PDSS2: variants seen among roughly 807,000 people sequenced by gnomAD.
PDSS2 encodes decaprenyl diphosphate synthase subunit 2.
Under a neutral mutation model 44.5 loss-of-function variants are expected in PDSS2, and 31 were observed. The ratio of observed to expected loss-of-function variants is 0.70; its 90% CI spans 0.52 to 0.94. PDSS2 has a LOEUF of 0.94. Among genes scored for constraint, PDSS2 ranks in the 40% least tolerant of loss-of-function variants. The pLI is 0.00. For synonymous variants in PDSS2, 157 were observed against 180.3 expected (o/e 0.87, Z 1.03); for missense variants, 452 against 482.2 (o/e 0.94, Z 0.59).
chr6:107,379,172 C>A (rs1264891761), intron 1 of PDSS2, among the ~76,000 whole-genome samples: 2 of 152,148 alleles, frequency 1.3e-5, no homozygotes, highest in African/African-American at 4.8e-5. Flanking sequence ...TTTATTCAAT[C>A]ATTTATATCA....
Position 107,416,252 on chromosome 6 carries a change from A to G in PDSS2, c.296+42738T>C, listed in dbSNP as rs1486672614. Among the ~76,000 whole-genome samples the G allele has an allele frequency of 2.6e-5, 4 of 152,160 alleles. No individual in the cohort carries two copies. The East Asian group carries it at 5.8e-4, about 22-fold the overall frequency. ...TTGTAAGCACAGTATTCCAACTTACAGCAGGCACGATGGGGACCCATGAGC... is the reference window on the plus strand; with the variant it reads ...TTGTAAGCACAGTATTCCAACTTACGGCAGGCACGATGGGGACCCATGAGC... On this transcript the variant is annotated intron_variant, in intron 1 of 7. Transcript: ENST00000369037.
At chr6:107,234,274 C>T (rs1421285585) in intron 4 of PDSS2, among the ~76,000 whole-genome samples, 3 of 151,702 alleles carry the variant, frequency 2.0e-5, no homozygotes, top group East Asian at 1.9e-4. Flanking sequence ...GGTGCCATCT[C>T]GGCTCACTGC....
chr6:107,435,233 C>T (rs1333102457), intron 1 of PDSS2, among the ~76,000 whole-genome samples: 2 of 150,608 alleles, frequency 1.3e-5, no homozygotes, highest in Admixed American at 1.3e-4. Flanking sequence ...GAGCTATGAT[C>T]ATGCCACCAT....
At chr6:107,368,156 C>A (rs1425171568) in intron 1 of PDSS2, among the ~76,000 whole-genome samples, 1 of 151,326 alleles carries the variant, frequency 6.6e-6, no homozygotes, top group Non-Finnish European at 1.5e-5. Flanking sequence ...ATAGTCCCAG[C>A]TACTCAGGAG....
intron 1 of PDSS2, among the ~76,000 whole-genome samples, chr6:107,452,860 T>G (rs1417414764): frequency 6.6e-6 from 1 of 151,862 alleles, no homozygotes; most frequent in Non-Finnish European, 1.5e-5. Flanking sequence ...AGAGATGGGG[T>G]TTCACCATGT....
intron 1 of PDSS2, among the ~76,000 whole-genome samples, chr6:107,423,984 TA>T (rs1403124854): frequency 1.3e-5 from 2 of 150,118 alleles, no homozygotes; most frequent in Non-Finnish European, 3.0e-5. Context: ...AGCACTTAGC[TA>T]AACACTTCAT....
chr6:107,315,984 A>T (rs992686916), intron 2 of PDSS2, among the ~76,000 whole-genome samples: 1 of 152,228 alleles, frequency 6.6e-6, no homozygotes, highest in African/African-American at 2.4e-5. Context: ...TTGAAGTTGG[A>T]TTGATGGACT....
chr6:107,183,769 C>A lies in PDSS2; in HGVS notation c.1041+10053G>T, dbSNP rs533282530. On this transcript the variant is annotated intron_variant, in intron 7 of 7. Coordinates refer to ENST00000369037, the MANE Select transcript of PDSS2 (RefSeq NM_020381.4). ...AATTAGCTGGGTGCAGTGGTGCACA[C>A]CTGTAGTCGCAGCTACTTGGGAGGC... Among the ~76,000 whole-genome samples, 194 of 152,242 alleles carry A rather than the reference C, an allele frequency of 1.3e-3. 1 individual carries two copies. Among genetic ancestry groups the A allele is most frequent in the Admixed American group, 3.7e-3 (57 of 15,270 alleles).
chr6:107,154,799 A>G, intron 7 of PDSS2, 22 bp from the exon 8 acceptor site: 1 of 1,613,126 alleles, frequency 6.2e-7, no homozygotes, highest in Non-Finnish European at 8.5e-7. Flanking sequence ...CAAATGCATG[A>G]TAAAAGTCAG....
chr6:107,377,089 G>C (rs1363229329), intron 1 of PDSS2, among the ~76,000 whole-genome samples: 1 of 147,304 alleles, frequency 6.8e-6, no homozygotes, highest in Non-Finnish European at 1.5e-5. Flanking sequence ...ACTACCATCA[G>C]AGTGAACAGG....
At chr6:107,425,061 G>C (rs1169892082) in intron 1 of PDSS2, among the ~76,000 whole-genome samples, 2 of 152,126 alleles carry the variant, frequency 1.3e-5, no homozygotes, top group Non-Finnish European at 2.9e-5. Flanking sequence ...CTCTTTCTTT[G>C]CCTGCCACCA....
At chr6:107,402,533 T>TA (rs1780174021) in intron 1 of PDSS2, among the ~76,000 whole-genome samples, 2 of 63,814 alleles carry the variant, frequency 3.1e-5, no homozygotes, top group Non-Finnish European at 7.4e-5. Context: ...TACATACATT[T>TA]TATATATATA....
chr6:107,272,507 A>G (rs1216906157), intron 3 of PDSS2, among the ~76,000 whole-genome samples: 1 of 152,176 alleles, frequency 6.6e-6, no homozygotes, highest in African/African-American at 2.4e-5. Flanking sequence ...TGGATCCCTG[A>G]CTTTGCAGAC....
intron 2 of PDSS2, among the ~76,000 whole-genome samples, chr6:107,328,617 CA>C (rs1777621920): frequency 6.6e-6 from 1 of 152,132 alleles, no homozygotes; most frequent in African/African-American, 2.4e-5. Flanking sequence ...CATTAGGATT[CA>C]AAGTTAGGCA....
chr6:107,320,403 T>C (rs1777345530), intron 2 of PDSS2, among the ~76,000 whole-genome samples: 1 of 152,186 alleles, frequency 6.6e-6, no homozygotes, highest in Admixed American at 6.5e-5. Context: ...TTCCTTGAAA[T>C]GTTGTCTCTA....
intron 6 of PDSS2, among the ~76,000 whole-genome samples, chr6:107,202,929 T>C (rs1452518436): frequency 6.6e-6 from 1 of 152,064 alleles, no homozygotes; most frequent in Middle Eastern, 3.2e-3. Context: ...ATTATCTACA[T>C]AACAAATCTC....
intron 1 of PDSS2, among the ~76,000 whole-genome samples, chr6:107,357,519 C>A (rs1004328810): frequency 6.6e-6 from 1 of 152,022 alleles, no homozygotes; most frequent in African/African-American, 2.4e-5. Flanking sequence ...GATGAATGAC[C>A]TTTTATCTTG....
chr6:107,374,011 T>G (rs1047998826), intron 1 of PDSS2, among the ~76,000 whole-genome samples: 13 of 152,132 alleles, frequency 8.5e-5, no homozygotes, highest in African/African-American at 3.1e-4. Flanking sequence ...CTCAGAACTT[T>G]GGGAGGCCGA....
chr6:107,404,369 G>A (rs1780240380), intron 1 of PDSS2, among the ~76,000 whole-genome samples: 1 of 152,162 alleles, frequency 6.6e-6, no homozygotes, highest in Non-Finnish European at 1.5e-5. Flanking sequence ...CTGTTACCCA[G>A]TTCTAAAGTT....
Sources: allele counts gnomAD v4.1 joint callset (sites outside exome capture counted in the v4.1 genomes callset), GRCh38; gene constraint gnomAD v4.1.1; transcripts MANE v1.5; gene names NCBI Gene and HGNC (gene_info 2026-07-23, HGNC 2026-07-21).